The following AVEN variants were observed in gnomAD, a reference collection of about 807,000 sequenced individuals.
AVEN encodes the protein apoptosis and caspase activation inhibitor.
In AVEN, 41 loss-of-function variants were observed where a neutral mutation model predicts 38.1. The ratio of observed to expected loss-of-function variants is 1.08; its 90% CI spans 0.84 to 1.40. The LOEUF is 1.40. Ranked by LOEUF, AVEN falls within the 40% of genes most tolerant of loss-of-function variation. AVEN has a pLI of 0.00. For synonymous variants in AVEN, 206 were observed against 171.8 expected, an observed-to-expected ratio of 1.20 and a Z score of -1.56; for missense variants, 605 against 438.8, an observed-to-expected ratio of 1.38 and a Z score of -3.38.
chr15:34,068,829 T>TTTTTG (rs1900572116), intron 2 of AVEN, among the ~76,000 whole-genome samples: 1 of 151,058 alleles, frequency 6.6e-6, no homozygotes. Context: ...TTTTTTTTTT[T>TTTTTG]GAGACGGAGT....
chr15:33,945,792 G>A (rs182568387), intron 2 of AVEN, among the ~76,000 whole-genome samples: 57 of 152,116 alleles, frequency 3.7e-4, no homozygotes, highest in South Asian at 2.1e-3. Flanking sequence ...TCGCTATGTT[G>A]GCCAGGATAG....
At chr15:34,015,591 C>A (rs953189204) in intron 1 of AVEN, among the ~76,000 whole-genome samples, 2 of 152,060 alleles carry the variant, frequency 1.3e-5, no homozygotes, top group African/African-American at 4.8e-5. Flanking sequence ...CTAAAAATTC[C>A]ACCCTCGGTC....
chr15:33,970,731 A>T (rs1306478941), intron 2 of AVEN, among the ~76,000 whole-genome samples: 2 of 151,974 alleles, frequency 1.3e-5, no homozygotes, highest in African/African-American at 4.8e-5. Context: ...GCTTCCAATA[A>T]ATGGAATTAA....
In AVEN at chr15:34,038,629, G is replaced by T; in HGVS notation, c.267+151C>A. 5.7e-3 allele frequency: 3 copies of T among 526 alleles called. 1 individual carries two copies. The highest frequency in any genetic ancestry group is 0.011 in the Non-Finnish European group (3 of 274). 0.0% of individuals were successfully genotyped at this position (526 alleles called of 1,614,324 possible). ...CGCCCCCGCCACCAGGCGCGCCCCCGCGCCACCATCCGCCCGTCCCGCGCA... is the reference window on the plus strand; with the variant it reads ...CGCCCCCGCCACCAGGCGCGCCCCCTCGCCACCATCCGCCCGTCCCGCGCA... On this transcript the variant is annotated intron_variant, in intron 1 of 5. Transcript: ENST00000306730.
chr15:33,929,948 C>CAATTAT (rs1456578787), intron 2 of AVEN, among the ~76,000 whole-genome samples: 1 of 152,132 alleles, frequency 6.6e-6, no homozygotes, highest in African/African-American at 2.4e-5. Flanking sequence ...GAAGTATGCT[C>CAATTAT]AATTATAACT....
chr15:34,025,750 G>C (rs1389347929), intron 1 of AVEN, among the ~76,000 whole-genome samples: 2 of 151,802 alleles, frequency 1.3e-5, no homozygotes, highest in African/African-American at 4.8e-5. Context: ...GTTTTGGTTT[G>C]GTTTTGCGTG....
chr15:33,938,221 C>T (rs1347668168), intron 2 of AVEN, among the ~76,000 whole-genome samples: 3 of 151,802 alleles, frequency 2.0e-5, no homozygotes, highest in Non-Finnish European at 2.9e-5. Flanking sequence ...TTTGGGAGGC[C>T]GAGGTGGGCG....
chr15:33,937,351 G>T (rs8041869), intron 2 of AVEN, among the ~76,000 whole-genome samples: 50,750 of 150,076 alleles, frequency 0.34, 8,928 homozygotes, highest in African/African-American at 0.46. Context: ...TGGCTAACAC[G>T]GTGAAACCCA....
In AVEN at chr15:33,861,100, T is replaced by C. The variant is rs764029640; in HGVS notation, n.2730-2006A>G. 5 of 1,594,114 alleles carry C rather than the reference T, an allele frequency of 3.1e-6. No individual in the cohort carries two copies. The highest frequency in any genetic ancestry group is 4.3e-6 in the Non-Finnish European group (5 of 1,169,116). ...TAGACTAAATGTTTCATCTGTGGGATTGGCAATGACTACTTTGACACAACC... is the reference window on the plus strand; with the variant it reads ...TAGACTAAATGTTTCATCTGTGGGACTGGCAATGACTACTTTGACACAACC... On this transcript the variant is annotated intron_variant and non_coding_transcript_variant, in intron 11 of 11. Coordinates refer to the AVEN transcript ENST00000675287.
chr15:34,043,401 C>T (rs1263887136), upstream of AVEN, among the ~76,000 whole-genome samples: 2 of 152,172 alleles, frequency 1.3e-5, no homozygotes, highest in African/African-American at 2.4e-5. Flanking sequence ...CATAGGCAAG[C>T]AGATTTTCTA....
chr15:33,974,130 G>C (rs1895767521), intron 2 of AVEN, among the ~76,000 whole-genome samples: 1 of 152,168 alleles, frequency 6.6e-6, no homozygotes, highest in Admixed American at 6.5e-5. Flanking sequence ...AATCACGTTT[G>C]CTATACTACT....
chr15:34,021,485 G>A (rs180823809), intron 1 of AVEN, among the ~76,000 whole-genome samples: 64 of 152,066 alleles, frequency 4.2e-4, no homozygotes, highest in African/African-American at 1.5e-3. Flanking sequence ...GGGTTTCTCC[G>A]TGTTGGTCAG....
downstream of AVEN, chr15:33,865,182 G>A (rs746039567): frequency 3.7e-6 from 6 of 1,613,902 alleles, no homozygotes; most frequent in East Asian, 8.9e-5. Flanking sequence ...TTTCTTCCCA[G>A]CCGGTGACTG....
At chr15:33,978,465 A>C (rs1315075323) in intron 2 of AVEN, among the ~76,000 whole-genome samples, 1 of 152,156 alleles carries the variant, frequency 6.6e-6, no homozygotes, top group Non-Finnish European at 1.5e-5. Flanking sequence ...GGAGTTCAAA[A>C]CCAGCCTGAT....
upstream of AVEN, among the ~76,000 whole-genome samples, chr15:34,041,228 C>G (rs1259594000): frequency 6.6e-6 from 1 of 152,186 alleles, no homozygotes; most frequent in African/African-American, 2.4e-5. Flanking sequence ...CCAAAAACAT[C>G]TCCAGACATT....
chr15:34,056,275 G>T (rs970616224), intron 5 of AVEN, among the ~76,000 whole-genome samples: 1 of 152,282 alleles, frequency 6.6e-6, no homozygotes, highest in South Asian at 2.1e-4. Context: ...AGAAACTGGG[G>T]CCCAGAGAGA....
At chr15:34,049,474 T>C (rs527660730) in intron 5 of AVEN, among the ~76,000 whole-genome samples, 1 of 152,206 alleles carries the variant, frequency 6.6e-6, no homozygotes, top group South Asian at 2.1e-4. Flanking sequence ...AGACTATTTT[T>C]CTGAAATAAG....
At chr15:34,033,256 A>C (rs1189316883) in intron 1 of AVEN, among the ~76,000 whole-genome samples, 1 of 152,188 alleles carries the variant, frequency 6.6e-6, no homozygotes, top group Non-Finnish European at 1.5e-5. Flanking sequence ...CTGTAATCCT[A>C]GCACGTCAGG....
intron 2 of AVEN, among the ~76,000 whole-genome samples, chr15:33,899,033 T>G (rs1310028934): frequency 2.0e-5 from 3 of 152,268 alleles, no homozygotes; most frequent in Middle Eastern, 3.4e-3. Context: ...TCCAATTTGA[T>G]AAAAGCATTA....
Sources: gnomAD v4.1 joint callset for allele counts (sites outside exome capture counted in the v4.1 genomes callset) on GRCh38, gnomAD v4.1.1 for gene constraint, MANE v1.5 for transcripts, NCBI Gene and HGNC (gene_info 2026-07-23, HGNC 2026-07-21) for gene names.